RTF1: variants seen among roughly 807,000 people sequenced by gnomAD.
The protein encoded by RTF1 is RTF1 homolog, Paf1/RNA polymerase II complex component, also known as RNA polymerase-associated protein RTF1 homolog.
RTF1 carries 10 observed loss-of-function variants against 95.7 expected under a neutral mutation model. The ratio of observed to expected loss-of-function variants is 0.10; its 90% confidence interval spans 0.06 to 0.18. RTF1 has a LOEUF of 0.18. RTF1 is among the 10% of genes least tolerant of loss of function. The pLI, the probability that RTF1 is intolerant of heterozygous loss-of-function variation, is 1.00. For missense variants in RTF1, 458 were observed against 875.6 expected (o/e 0.52, Z 6.02); for synonymous variants, 305 against 311.8 (o/e 0.98, Z 0.23).
At chr15:41,417,436 C>CG in intron 1 of RTF1, 123 bp downstream of exon 1, 1 of 801,610 alleles carries the variant, frequency 1.2e-6, no homozygotes. Context: ...GTGCCCTGGG[C>CG]ACCACTACAG....
chr15:41,471,499 G>C lies in RTF1; in HGVS notation c.1203+150G>C, dbSNP rs553554762. The C allele has an allele frequency of 7.7e-5, 59 of 768,466 alleles. No homozygotes were observed. The African/African-American group carries it at 9.4e-4, about 12-fold the overall frequency. The allele number at this position is 768,466 out of a possible 1,614,324, so 47.6% of individuals were successfully genotyped here. On this transcript the variant is annotated intron_variant, in intron 8 of 17. Transcript: ENST00000389629. ...TGGGATCCCCATAGAGCAGTGAGGT[G>C]CCCAGGAATCCTTCATGACTTGTTG...
chr15:41,454,555 G>A (rs2050803638), intron 3 of RTF1, among the ~76,000 whole-genome samples: 1 of 152,136 alleles, frequency 6.6e-6, no homozygotes, highest in Non-Finnish European at 1.5e-5. Flanking sequence ...AAATTATATA[G>A]TCTTAAACCT....
intron 1 of RTF1, among the ~76,000 whole-genome samples, chr15:41,422,179 C>T (rs1234936142): frequency 3.3e-5 from 5 of 152,116 alleles, no homozygotes; most frequent in East Asian, 1.9e-4. Flanking sequence ...AGATTACAGG[C>T]GCCTGCCACC....
intron 12 of RTF1, 140 bp downstream of exon 12, chr15:41,476,663 G>T: frequency 2.8e-6 from 2 of 714,950 alleles, no homozygotes; most frequent in South Asian, 1.6e-5. Flanking sequence ...GTGTGTTCTT[G>T]GCACCTGGGC....
intron 1 of RTF1, among the ~76,000 whole-genome samples, chr15:41,432,325 GTACCTGGGAC>G (rs2050679200): frequency 1.3e-5 from 2 of 150,540 alleles, no homozygotes; most frequent in Admixed American, 1.3e-4. Flanking sequence ...AGCCTCCGGA[GTACCTGGGAC>G]TACAGGCGCT....
At chr15:41,477,068 A>T (rs2050945212) in intron 12 of RTF1, 97 bp from the exon 13 acceptor site, 1 of 1,486,444 alleles carries the variant, frequency 6.7e-7, no homozygotes, top group South Asian at 1.1e-5. Context: ...TGCTCACCAC[A>T]TGAGATATCT....
intron 2 of RTF1, among the ~76,000 whole-genome samples, chr15:41,450,378 G>A (rs756547830): frequency 1.3e-5 from 2 of 150,126 alleles, no homozygotes; most frequent in Non-Finnish European, 3.0e-5. Context: ...CTGAGGTTGG[G>A]AGTTCGAGAC....
intron 3 of RTF1, among the ~76,000 whole-genome samples, chr15:41,454,416 A>G (rs773645014): frequency 6.1e-4 from 93 of 152,136 alleles, no homozygotes; most frequent in Non-Finnish European, 1.1e-3. Context: ...TTTTAATGCC[A>G]GCTAATAAAT....
chr15:41,465,206 G>T (rs1248212175), intron 5 of RTF1, among the ~76,000 whole-genome samples: 2 of 131,252 alleles, frequency 1.5e-5, no homozygotes, highest in Admixed American at 8.9e-5. Flanking sequence ...TCATTATGTT[G>T]CCCGGGCTAG....
In RTF1 at chr15:41,472,168, G is replaced by GT. The variant is rs147457047; in HGVS notation, c.1203+820dup. Among the ~76,000 whole-genome samples the GT allele has an allele frequency of 8.0e-3, 1,202 of 150,086 alleles. 12 individuals carry two copies. Among genetic ancestry groups the GT allele is most frequent in the Non-Finnish European group, 0.013 (883 of 67,668 alleles). The stretch of plus-strand genomic sequence containing the variant: ...TGCCTCAGCCTCCCAAAGTGCTGGC[G>GT]TGAGCCACCGCACCTGGCCTATTTT... On this transcript the variant is annotated intron_variant, in intron 8 of 17. Transcript: ENST00000389629.
chr15:41,446,355 G>C (rs1420581088), intron 2 of RTF1, among the ~76,000 whole-genome samples: 1 of 151,982 alleles, frequency 6.6e-6, no homozygotes, highest in Non-Finnish European at 1.5e-5. Flanking sequence ...CGGATCACGA[G>C]GTCAGGAGAT....
chr15:41,437,160 T>C (rs1248373737), intron 1 of RTF1, among the ~76,000 whole-genome samples: 1 of 152,024 alleles, frequency 6.6e-6, no homozygotes, highest in Non-Finnish European at 1.5e-5. Context: ...ATGGTAATGA[T>C]ATCAGTTGTT....
At chr15:41,471,666 A>G (rs1467979187) in intron 8 of RTF1, among the ~76,000 whole-genome samples, 1 of 152,164 alleles carries the variant, frequency 6.6e-6, no homozygotes, top group Non-Finnish European at 1.5e-5. Flanking sequence ...AGATTTGTTC[A>G]TTTGAAAAAC....
chr15:41,442,956 C>A (rs2050743106), intron 2 of RTF1, among the ~76,000 whole-genome samples: 1 of 152,098 alleles, frequency 6.6e-6, no homozygotes, highest in Non-Finnish European at 1.5e-5. Context: ...CCAGAAGCTG[C>A]CCTGCAGTTT....
chr15:41,434,234 T>G (rs1177214466), intron 1 of RTF1, among the ~76,000 whole-genome samples: 5 of 151,472 alleles, frequency 3.3e-5, no homozygotes, highest in Non-Finnish European at 5.9e-5. Flanking sequence ...CCTCCCACCT[T>G]GGCTTCCCAA....
Position 41,474,631 on chromosome 15 carries a change from T to C in RTF1, c.1215T>C (p.Ile405=), listed in dbSNP as rs2050933409. Reference sequence around the variant, plus strand: ...GTCCTCTCACTTAGGTCGCTGAGATTACGGGTGTTGTGGAAACTGCCAAAG... The same window carrying C: ...GTCCTCTCACTTAGGTCGCTGAGATCACGGGTGTTGTGGAAACTGCCAAAG... The part of the protein sequence containing the change: ...NSKPVYRVAE[I]TGVVETAKVY... Residue 405 remains isoleucine (I), a synonymous_variant, in exon 9 of 18, where the codon ATT becomes ATC. Coordinates refer to ENST00000389629, the MANE Select transcript of RTF1 (RefSeq NM_015138.5). The C allele has an allele frequency of 3.1e-6, 5 of 1,613,908 alleles. No homozygotes were observed. In the East Asian group the frequency reaches 1.1e-4, roughly 36 times the overall value.
chr15:41,451,768 G>A (rs2050790512), intron 2 of RTF1, among the ~76,000 whole-genome samples: 1 of 152,068 alleles, frequency 6.6e-6, no homozygotes, highest in Non-Finnish European at 1.5e-5. Context: ...ACCCACCCCA[G>A]AACTAAACCA....
intron 2 of RTF1, among the ~76,000 whole-genome samples, chr15:41,443,847 T>A (rs768296179): frequency 6.6e-6 from 1 of 151,766 alleles, no homozygotes; most frequent in Non-Finnish European, 1.5e-5. Flanking sequence ...ACAGGCAGAT[T>A]ACAAGGTCTG....
rs1020543445 is a variant in RTF1, at chr15:41,481,671, T to C, written c.*984T>C. 6.6e-6 allele frequency: 1 copy of C among 152,610 alleles called. No individual in the cohort carries two copies. The highest frequency in any genetic ancestry group is 1.5e-5 in the Non-Finnish European group (1 of 68,054). The allele number at this position is 152,610 out of a possible 1,614,324, so 9.5% of individuals were successfully genotyped here. A position where few individuals can be genotyped will look rare whatever the true frequency, so the allele number is the denominator to read the frequency against. On this transcript the variant is annotated 3_prime_UTR_variant, in exon 18 of 18. Coordinates refer to ENST00000389629, the MANE Select transcript of RTF1 (RefSeq NM_015138.5). ...TCTTGGCTGAACGTAGAACTTCTTTTTCTCACCCAGTATACCAGCCTCTTC... is the reference window on the plus strand; with the variant it reads ...TCTTGGCTGAACGTAGAACTTCTTTCTCTCACCCAGTATACCAGCCTCTTC...
Sources: allele counts gnomAD v4.1 joint callset (sites outside exome capture counted in the v4.1 genomes callset), GRCh38; gene constraint gnomAD v4.1.1; transcripts MANE v1.5; gene names NCBI Gene and HGNC (gene_info 2026-07-23, HGNC 2026-07-21).